AREL1: variants seen among roughly 807,000 people sequenced by gnomAD.
The protein encoded by AREL1 is apoptosis resistant E3 ubiquitin protein ligase 1.
In AREL1, 62 loss-of-function variants were observed where a neutral mutation model predicts 99.0. That is an observed-to-expected ratio of 0.63 (90% CI 0.51 to 0.77). The LOEUF (loss-of-function observed/expected upper bound fraction) is 0.77, where lower values mean the gene tolerates loss of function less well. Ranked by LOEUF, AREL1 falls within the 30% of genes least tolerant of loss-of-function variation. AREL1 has a pLI of 0.00. For synonymous variants in AREL1, 380 were observed against 376.5 expected, an observed-to-expected ratio of 1.01 and a Z score of -0.11; for missense variants, 879 against 1,027.6, an observed-to-expected ratio of 0.86 and a Z score of 1.98.
chr14:74,701,454 G>A (rs1197430679), intron 1 of AREL1, among the ~76,000 whole-genome samples: 1 of 152,146 alleles, frequency 6.6e-6, no homozygotes, highest in African/African-American at 2.4e-5. Flanking sequence ...AGCGAAAAGA[G>A]AAATCCCTTA....
chr14:74,675,729 C>T lies in AREL1; in HGVS notation c.1050G>A (p.Pro350=), dbSNP rs997438538. The change falls in exon 8 of 20, where the codon CCG becomes CCA. Residue 350 remains proline (P), a synonymous_variant. Transcript: ENST00000356357. The stretch of plus-strand genomic sequence containing the variant: ...GTGACACATAGCAGTACACCTTCTT[C>T]GGTTTCTTCACCTTCTCAGGGGTGT... The part of the protein sequence containing the change: ...ECHTPEKVKK[P]KKVYCYVSPK... 7 of 1,613,994 alleles carry T rather than the reference C, an allele frequency of 4.3e-6. No homozygotes were observed. The highest frequency in any genetic ancestry group is 4.0e-5 in the African/African-American group (3 of 74,902).
Position 74,675,825 on chromosome 14 carries a change from G to T in AREL1, c.954C>A (p.His318Gln). ...SSTPWHLPPMHMTSSQRRPST... is the reference protein window; with the variant it reads ...SSTPWHLPPMQMTSSQRRPST... ...ATGGCCGGCGCTGGGAAGAGGTCATGTGCATGGGTGGCAGGTGCCATGGAG... is the reference window on the plus strand; with the variant it reads ...ATGGCCGGCGCTGGGAAGAGGTCATTTGCATGGGTGGCAGGTGCCATGGAG... The change falls in exon 8 of 20, where the codon CAC becomes CAA. Residue 318 changes from histidine to glutamine, a missense_variant. Transcript: ENST00000356357. 1 of 1,614,190 alleles carries T rather than the reference G, an allele frequency of 6.2e-7. No individual in the cohort carries two copies. Among genetic ancestry groups the T allele is most frequent in the South Asian group, 1.1e-5 (1 of 91,080 alleles).
At chr14:74,664,967 A>G in intron 17 of AREL1, 42 bp from the exon 18 acceptor site, 1 of 1,548,984 alleles carries the variant, frequency 6.5e-7, no homozygotes, top group African/African-American at 1.4e-5. Context: ...AGTCAGAGAG[A>G]CAAAGACCCA....
At chr14:74,676,827 C>T (rs545857611) in intron 5 of AREL1, 75 bp from the exon 6 acceptor site, 36 of 1,211,190 alleles carry the variant, frequency 3.0e-5, no homozygotes, top group African/African-American at 4.7e-5. Flanking sequence ...GATGGAGTCT[C>T]GCTCTTTCGC....
At chr14:74,700,099 T>C (rs1297065904) in intron 1 of AREL1, among the ~76,000 whole-genome samples, 1 of 152,238 alleles carries the variant, frequency 6.6e-6, no homozygotes, top group African/African-American at 2.4e-5. Context: ...TGGAAAAAAC[T>C]ACAGCAACAA....
intron 1 of AREL1, among the ~76,000 whole-genome samples, chr14:74,697,687 G>A (rs185630105): frequency 1.1e-4 from 17 of 152,268 alleles, no homozygotes; most frequent in Non-Finnish European, 1.6e-4. Context: ...TGGGTCTTCT[G>A]TGAACTCTCT....
At chr14:74,708,469 T>C (rs1458405371) in intron 1 of AREL1, among the ~76,000 whole-genome samples, 1 of 152,220 alleles carries the variant, frequency 6.6e-6, no homozygotes, top group Non-Finnish European at 1.5e-5. Flanking sequence ...CTGTTTTCTG[T>C]TCCTAATAGG....
chr14:74,708,342 G>A (rs2090222738), intron 1 of AREL1, among the ~76,000 whole-genome samples: 1 of 152,064 alleles, frequency 6.6e-6, no homozygotes, highest in Admixed American at 6.6e-5. Flanking sequence ...GGTAATGCCA[G>A]CCTAAAACTT....
intron 7 of AREL1, 29 bp downstream of exon 7, chr14:74,676,112 C>A (rs781592753): frequency 6.2e-7 from 1 of 1,602,048 alleles, no homozygotes; most frequent in South Asian, 1.1e-5. Flanking sequence ...TGAAGAACAG[C>A]ACTAAATCAT....
intron 1 of AREL1, among the ~76,000 whole-genome samples, chr14:74,694,241 T>C (rs1270803430): frequency 6.6e-6 from 1 of 152,140 alleles, no homozygotes; most frequent in Non-Finnish European, 1.5e-5. Flanking sequence ...AGCCAAAACC[T>C]GGGTCAACTG....
At chr14:74,669,210 T>C (rs1189336747) in intron 15 of AREL1, among the ~76,000 whole-genome samples, 2 of 152,162 alleles carry the variant, frequency 1.3e-5, no homozygotes, top group East Asian at 1.9e-4. Context: ...AGTTTAAAAA[T>C]ACCCAGGCAT....
rs2089082759 is a variant in AREL1, at chr14:74,661,724, C to T, written c.*1996G>A. 6.3e-6 allele frequency: 1 copy of T among 159,366 alleles called. No homozygotes were observed. Among genetic ancestry groups the T allele is most frequent in the South Asian group, 1.7e-4 (1 of 5,840 alleles). The allele number at this position is 159,366 out of a possible 1,614,324, so 9.9% of individuals were successfully genotyped here. On this transcript the variant is annotated 3_prime_UTR_variant, in exon 20 of 20. Coordinates refer to ENST00000356357, the MANE Select transcript of AREL1 (RefSeq NM_001039479.2). ...GCCAAAGGGTTTTGTTTAACAAAGA[C>T]TGGTGCCTAAGGACCACCACAGGGA...
At chr14:74,690,399 G>C (rs796990395) in intron 2 of AREL1, among the ~76,000 whole-genome samples, 2 of 152,092 alleles carry the variant, frequency 1.3e-5, no homozygotes, top group South Asian at 4.1e-4. Flanking sequence ...TTTCCAGATG[G>C]GATCTTCCTT....
chr14:74,664,976 C>A, intron 17 of AREL1, 51 bp from the exon 18 acceptor site: 3 of 1,486,234 alleles, frequency 2.0e-6, no homozygotes, highest in East Asian at 2.3e-5. Flanking sequence ...GACAAAGACC[C>A]AATATAAGGT....
intron 5 of AREL1, among the ~76,000 whole-genome samples, chr14:74,681,096 G>A (rs1473474217): frequency 6.6e-6 from 1 of 152,180 alleles, no homozygotes; most frequent in Non-Finnish European, 1.5e-5. Context: ...TGAGGTGGAA[G>A]GATTGCTTGG....
rs1254718427 is a variant in AREL1, at chr14:74,676,708, T to A, written c.526A>T (p.Thr176Ser). 5 of 1,612,186 alleles carry A rather than the reference T, an allele frequency of 3.1e-6. No individual in the cohort carries two copies. The South Asian group carries it at 5.5e-5, about 18-fold the overall frequency. The change falls in exon 6 of 20, where the codon ACT (threonine) becomes TCT (serine). Residue 176 changes from threonine to serine, a missense_variant. Thr to Ser is a moderately conservative substitution (Grantham distance 58). Transcript: ENST00000356357. ...GGCTGCCCACAGGTCAATACAAGAG[T>A]AGAAAAGTGGCACACAATTTTGGTC... is the stretch of plus-strand genomic sequence containing the variant. Reference protein sequence around the residue: ...SKTKIVCHFSTLVLTCGQPHT... With the variant: ...SKTKIVCHFSSLVLTCGQPHT...
intron 3 of AREL1, 101 bp from the exon 4 acceptor site, chr14:74,684,781 G>T (rs2089713657): frequency 9.6e-7 from 1 of 1,042,972 alleles, no homozygotes; most frequent in Non-Finnish European, 1.4e-6. Context: ...AGGAGGTCAG[G>T]ATGAGACTGT....
chr14:74,683,431 C>A lies in AREL1; in HGVS notation c.346G>T (p.Glu116Ter), dbSNP rs757105954. 3.7e-6 allele frequency: 6 copies of A among 1,614,126 alleles called. No homozygotes were observed. The change falls in exon 5 of 20, where the codon GAA becomes TAA. Residue 116 changes from glutamate (E) to a stop codon, truncating the protein, a stop_gained. Coordinates refer to ENST00000356357, the MANE Select transcript of AREL1 (RefSeq NM_001039479.2). LOFTEE classifies it high-confidence loss of function. ...TTGGAATTGGGCTCCTGAAGGACTTCCTGGGTCACTGGAATTTCCACTGCT... is the reference window on the plus strand; with the variant it reads ...TTGGAATTGGGCTCCTGAAGGACTTACTGGGTCACTGGAATTTCCACTGCT... ...ELAVEIPVTQ[E>*]VLQEPNSNVV... is the part of the protein sequence containing the mutation.
chr14:74,670,753 C>G lies in AREL1; in HGVS notation c.1608+9G>C, dbSNP rs1054906946. ...ATCCACATTTTCCACCCACCCGTCA[C>G]CAACTCACTAATGCTTGGTTGTTGT... On this transcript the variant is annotated intron_variant, in intron 13 of 19. Transcript: ENST00000356357. The G allele has an allele frequency of 3.7e-6, 6 of 1,613,092 alleles. No homozygotes were observed. Among genetic ancestry groups the G allele is most frequent in the Non-Finnish European group, 4.2e-6 (5 of 1,179,070 alleles).
Sources: allele counts gnomAD v4.1 joint callset (sites outside exome capture counted in the v4.1 genomes callset), GRCh38; gene constraint gnomAD v4.1.1; transcripts MANE v1.5; gene names NCBI Gene and HGNC (gene_info 2026-07-23, HGNC 2026-07-21).